The following MGAT5 variants were observed in gnomAD, a reference collection of about 807,000 sequenced individuals.
The protein encoded by MGAT5 is alpha-1,6-mannosylglycoprotein 6-beta-N-acetylglucosaminyltransferase, also known as alpha-1,6-mannosylglycoprotein 6-beta-N-acetylglucosaminyltransferase A.
In MGAT5, 30 loss-of-function variants were observed where a neutral mutation model predicts 94.3. The ratio of observed to expected loss-of-function variants is 0.32; its 90% CI spans 0.24 to 0.43. The LOEUF is 0.43. Among genes scored for constraint, MGAT5 ranks in the 20% least tolerant of loss-of-function variants. The pLI is 1.00. For synonymous variants in MGAT5, 310 were observed against 322.9 expected, an observed-to-expected ratio of 0.96 and a Z score of 0.43; for missense variants, 691 against 905.5, an observed-to-expected ratio of 0.76 and a Z score of 3.04.
intron 1 of MGAT5, among the ~76,000 whole-genome samples, chr2:134,139,963 C>T (rs1686587021): frequency 6.6e-6 from 1 of 152,172 alleles, no homozygotes; most frequent in Non-Finnish European, 1.5e-5. Flanking sequence ...GGAGGACCTG[C>T]CTTCTGACTC....
At position 134,318,473 on chromosome 2, in the gene MGAT5, A is replaced by G. The variant is rs117980837; in HGVS notation, c.484-177A>G. 2.5e-3 allele frequency among the ~76,000 whole-genome samples: 381 copies of G among 152,238 alleles called. 7 individuals are homozygous for G. The highest frequency in any genetic ancestry group is 0.023 in the East Asian group (119 of 5,166). On this transcript the variant is annotated intron_variant, in intron 3 of 15. Coordinates refer to ENST00000281923, the MANE Select transcript of MGAT5 (RefSeq NM_002410.5). ...CCAGTGTCTTCCTGTTAATCGTCCA[A>G]GTAGGTGAGCTGCACACCTGGCTAT...
chr2:134,140,761 A>G (rs1208900426), intron 1 of MGAT5, among the ~76,000 whole-genome samples: 1 of 152,224 alleles, frequency 6.6e-6, no homozygotes, highest in African/African-American at 2.4e-5. Flanking sequence ...AGCAAAATGA[A>G]TTAGCAGGAA....
At chr2:134,244,919 TG>T (rs1401208143) in intron 1 of MGAT5, among the ~76,000 whole-genome samples, 1 of 152,202 alleles carries the variant, frequency 6.6e-6, no homozygotes, top group Non-Finnish European at 1.5e-5. Context: ...CAGACCCATA[TG>T]TCAGTTGTGC....
intron 1 of MGAT5, among the ~76,000 whole-genome samples, chr2:134,224,664 C>CA (rs1046846653): frequency 1.3e-5 from 2 of 151,898 alleles, no homozygotes; most frequent in Non-Finnish European, 2.9e-5. Flanking sequence ...CTATGACATC[C>CA]AAAAAAAGCT....
intron 1 of MGAT5, among the ~76,000 whole-genome samples, chr2:134,202,449 G>C (rs145482230): frequency 1.3e-5 from 2 of 152,244 alleles, no homozygotes; most frequent in Non-Finnish European, 2.9e-5. Context: ...TTGGCGCCTT[G>C]ATCTTGGATG....
chr2:134,250,023 C>G (rs1208610338), upstream of MGAT5, among the ~76,000 whole-genome samples: 1 of 152,114 alleles, frequency 6.6e-6, no homozygotes, highest in Non-Finnish European at 1.5e-5. Context: ...AGCATCTTTT[C>G]ATGTGCTTTT....
intron 4 of MGAT5, among the ~76,000 whole-genome samples, chr2:134,333,362 C>G (rs1344898319): frequency 7.0e-6 from 1 of 142,004 alleles, no homozygotes; most frequent in Non-Finnish European, 1.5e-5. Flanking sequence ...CATGTTCTCA[C>G]TCATAGGTGG....
At chr2:134,136,292 C>T (rs1392610807) in intron 1 of MGAT5, among the ~76,000 whole-genome samples, 3 of 152,076 alleles carry the variant, frequency 2.0e-5, no homozygotes, top group Admixed American at 6.5e-5. Context: ...GGGGGCCAGA[C>T]GCGGTGGCTC....
At position 134,259,952 on chromosome 2, in the gene MGAT5, A is replaced by G. The variant is rs1045305897; in HGVS notation, c.241+5308A>G. On this transcript the variant is annotated intron_variant, in intron 1 of 15. Coordinates refer to ENST00000281923, the MANE Select transcript of MGAT5 (RefSeq NM_002410.5). ...AATATCTGAGGGGCTACTTTGCACT[A>G]GAAGGTCACCTCTCTGGAGGTATCT... Among the ~76,000 whole-genome samples the G allele has an allele frequency of 8.5e-5, 13 of 152,190 alleles. No homozygotes were observed. The South Asian group carries it at 2.7e-3, about 31-fold the overall frequency.
Position 134,162,607 on chromosome 2 carries a change from G to A in MGAT5, c.-143+42316G>A, listed in dbSNP as rs112444695. ...TGAGTGACTTCACTAAGGTCCCACA[G>A]TTAGGATCTGAACAGAGTTGGGATT... On this transcript the variant is annotated intron_variant, in intron 1 of 16. Coordinates refer to the MGAT5 transcript ENST00000409645. Among the ~76,000 whole-genome samples the A allele has an allele frequency of 9.6e-4, 147 of 152,342 alleles. 1 individual carries two copies. The highest frequency in any genetic ancestry group is 3.4e-3 in the Middle Eastern group (1 of 294).
intron 1 of MGAT5, among the ~76,000 whole-genome samples, chr2:134,257,867 A>G (rs114142376): frequency 0.01 from 1,259 of 120,860 alleles, 19 homozygotes; most frequent in African/African-American, 0.037. Context: ...CCATAAATGC[A>G]GCCTATGTGC....
Position 134,254,330 on chromosome 2 carries a change from T to G in MGAT5, c.-74T>G. ...GAGTGAGACCAGCAGACTCTCACAC[T>G]CAACCTACACCATGAATTTGTGTCT... On this transcript the variant is annotated 5_prime_UTR_variant, in exon 1 of 16. Coordinates refer to ENST00000281923, the MANE Select transcript of MGAT5 (RefSeq NM_002410.5). 6.4e-7 allele frequency: 1 copy of G among 1,562,328 alleles called. No individual in the cohort carries two copies. Among genetic ancestry groups the G allele is most frequent in the Non-Finnish European group, 8.7e-7 (1 of 1,152,072 alleles).
At chr2:134,242,508 C>G (rs1224638235) in intron 1 of MGAT5, among the ~76,000 whole-genome samples, 1 of 152,164 alleles carries the variant, frequency 6.6e-6, no homozygotes, top group Non-Finnish European at 1.5e-5. Flanking sequence ...CTCTGTTATC[C>G]TCCACTGGAA....
intron 1 of MGAT5, among the ~76,000 whole-genome samples, chr2:134,240,556 T>G (rs908889035): frequency 2.0e-5 from 3 of 152,102 alleles, no homozygotes; most frequent in African/African-American, 4.8e-5. Flanking sequence ...TATGTTACAT[T>G]ATAATAAAAA....
At chr2:134,188,676 G>C (rs1689166158) in intron 1 of MGAT5, among the ~76,000 whole-genome samples, 1 of 152,104 alleles carries the variant, frequency 6.6e-6, no homozygotes, top group Admixed American at 6.5e-5. Flanking sequence ...GAGGTGGTGG[G>C]GGTGTGTTCT....
chr2:134,326,391 TTTCTCAGACCTTTTGAC>T (rs1687651398), intron 4 of MGAT5, among the ~76,000 whole-genome samples: 1 of 151,982 alleles, frequency 6.6e-6, no homozygotes, highest in Non-Finnish European at 1.5e-5. Context: ...TTCATACTGC[TTTCTCAGACCTTTTGAC>T]ATGACCATGG....
At chr2:134,337,104 T>C (rs1688378205) in intron 5 of MGAT5, among the ~76,000 whole-genome samples, 1 of 152,066 alleles carries the variant, frequency 6.6e-6, no homozygotes, top group Non-Finnish European at 1.5e-5. Flanking sequence ...AAACAAGCTG[T>C]GAGGATTTAG....
intron 11 of MGAT5, among the ~76,000 whole-genome samples, chr2:134,409,086 A>C (rs1265497085): frequency 6.6e-6 from 1 of 152,166 alleles, no homozygotes; most frequent in East Asian, 1.9e-4. Flanking sequence ...AAAACCCACA[A>C]ACATAACTCC....
chr2:134,275,638 C>T (rs1383533404), intron 2 of MGAT5, among the ~76,000 whole-genome samples: 1 of 133,838 alleles, frequency 7.5e-6, no homozygotes, highest in Admixed American at 8.5e-5. Context: ...GGCCAGAATG[C>T]AGTGGCACTA....
Sources: allele counts gnomAD v4.1 joint callset (sites outside exome capture counted in the v4.1 genomes callset), GRCh38; gene constraint gnomAD v4.1.1; transcripts MANE v1.5; gene names NCBI Gene and HGNC (gene_info 2026-07-23, HGNC 2026-07-21).